The following MAP4K3 variants were observed in gnomAD, a reference collection of about 807,000 sequenced individuals.
The protein encoded by MAP4K3 is MAPK/ERK kinase kinase kinase 3.
Under a neutral mutation model 143.5 loss-of-function variants are expected in MAP4K3, and 94 were observed. The ratio of observed to expected loss-of-function variants is 0.65; its 90% CI spans 0.55 to 0.78. MAP4K3 has a LOEUF of 0.78. Ranked by LOEUF, MAP4K3 falls within the 30% of genes least tolerant of loss-of-function variation. The probability of loss-of-function intolerance (pLI) is 0.00; values close to 1 mark genes in which losing one functional copy is unlikely to be tolerated. For missense variants in MAP4K3, 1,077 were observed against 1,068.1 expected, an observed-to-expected ratio of 1.01 and a Z score of -0.12; for synonymous variants, 416 against 347.2, an observed-to-expected ratio of 1.20 and a Z score of -2.20.
At chr2:39,402,691 T>C (rs964871705) in intron 1 of MAP4K3, among the ~76,000 whole-genome samples, 2 of 149,962 alleles carry the variant, frequency 1.3e-5, no homozygotes, top group Admixed American at 6.7e-5. Flanking sequence ...TACAGAAAAA[T>C]CCATTAAACC....
chr2:39,436,651 G>A (rs1294892779), intron 1 of MAP4K3: 2 of 544,948 alleles, frequency 3.7e-6, no homozygotes, highest in African/African-American at 3.9e-5. Context: ...CGCGCAAGAA[G>A]GGAGGTGGCA....
intron 3 of MAP4K3, among the ~76,000 whole-genome samples, chr2:39,343,655 A>G (rs1017518988): frequency 6.6e-6 from 1 of 152,192 alleles, no homozygotes; most frequent in Non-Finnish European, 1.5e-5. Flanking sequence ...TTTTAAACTT[A>G]TAATACACCA....
intron 1 of MAP4K3, among the ~76,000 whole-genome samples, chr2:39,404,067 C>T (rs1020393507): frequency 6.6e-6 from 1 of 151,968 alleles, no homozygotes; most frequent in African/African-American, 2.4e-5. Context: ...CCCTGAATAA[C>T]CAGCAGCAAA....
At chr2:39,292,562 A>G (rs1371751578) in intron 18 of MAP4K3, among the ~76,000 whole-genome samples, 1 of 152,212 alleles carries the variant, frequency 6.6e-6, no homozygotes, top group Non-Finnish European at 1.5e-5. Flanking sequence ...CAGAACTGTG[A>G]GAAATAAATT....
chr2:39,383,694 T>A lies in MAP4K3; in HGVS notation c.97-5571A>T, dbSNP rs1422552210. Among the ~76,000 whole-genome samples the A allele has an allele frequency of 2.0e-5, 3 of 152,044 alleles. No homozygotes were observed. In the South Asian group the frequency reaches 6.2e-4, roughly 32 times the overall value. ...CAACTGAACATTTATTAAATTTGGA[T>A]GATAAATTATAAGGTTAATATACCA... is the stretch of plus-strand genomic sequence containing the variant. On this transcript the variant is annotated intron_variant, in intron 1 of 33. Coordinates refer to ENST00000263881, the MANE Select transcript of MAP4K3 (RefSeq NM_003618.4).
intron 26 of MAP4K3, among the ~76,000 whole-genome samples, chr2:39,268,695 A>C (rs1299250107): frequency 8.2e-6 from 1 of 121,236 alleles, no homozygotes; most frequent in Non-Finnish European, 1.6e-5. Context: ...GCTGGAGTGC[A>C]GTGGCTTGAC....
chr2:39,290,084 C>CAAAAAA (rs57058905), intron 19 of MAP4K3, among the ~76,000 whole-genome samples: 1 of 111,968 alleles, frequency 8.9e-6, no homozygotes, highest in African/African-American at 3.8e-5. Context: ...GAGACTGTCT[C>CAAAAAA]AAAAAAAAAA....
chr2:39,394,655 A>G (rs894838230), intron 1 of MAP4K3, among the ~76,000 whole-genome samples: 7 of 152,278 alleles, frequency 4.6e-5, no homozygotes, highest in African/African-American at 7.2e-5. Context: ...ATATTCACAA[A>G]TAAGTTATAA....
intron 20 of MAP4K3, among the ~76,000 whole-genome samples, chr2:39,287,357 G>T (rs1270779578): frequency 1.3e-5 from 2 of 150,780 alleles, no homozygotes. Flanking sequence ...GCAATGGCGT[G>T]ATCTTGGCTC....
intron 16 of MAP4K3, 107 bp from the exon 17 acceptor site, chr2:39,293,375 C>CT: frequency 1.4e-6 from 1 of 740,626 alleles, no homozygotes; most frequent in South Asian, 1.8e-5. Context: ...TGAATGATTA[C>CT]TTTTTTACCA....
At chr2:39,362,459 A>T (rs939346736) in intron 2 of MAP4K3, among the ~76,000 whole-genome samples, 2 of 152,196 alleles carry the variant, frequency 1.3e-5, no homozygotes, top group Non-Finnish European at 2.9e-5. Context: ...TAAGAAAATA[A>T]TCCCAATTGC....
rs974080622 is a variant in MAP4K3 at position 39,264,671 on chromosome 2, T to G, written c.2136+532A>C. 2.6e-5 allele frequency among the ~76,000 whole-genome samples: 4 copies of G among 152,336 alleles called. No individual in the cohort carries two copies. The South Asian group carries it at 6.2e-4, about 24-fold the overall frequency. ...GCCTGTACTTCACACATTTTAAAAGTTAGTTTTTCCTTAAATGTAAGTTAC... is the reference window on the plus strand; with the variant it reads ...GCCTGTACTTCACACATTTTAAAAGGTAGTTTTTCCTTAAATGTAAGTTAC... On this transcript the variant is annotated intron_variant, in intron 28 of 33. Transcript: ENST00000263881.
rs535014504 is a variant in MAP4K3, at chr2:39,359,955, T to C, written c.155-3616A>G. 7.2e-5 allele frequency among the ~76,000 whole-genome samples: 11 copies of C among 152,354 alleles called. No individual in the cohort carries two copies. In the South Asian group the frequency reaches 2.3e-3, roughly 32 times the overall value. ...GGGGTTGCTGCAAAAGTCTCTGAAA[T>C]GCCCTGGAGACATGTTCCCCTTGTC... On this transcript the variant is annotated intron_variant, in intron 2 of 33. Transcript: ENST00000263881.
chr2:39,265,685 T>C (rs1680736019), intron 27 of MAP4K3, among the ~76,000 whole-genome samples: 1 of 152,158 alleles, frequency 6.6e-6, no homozygotes, highest in African/African-American at 2.4e-5. Flanking sequence ...TACAACACAT[T>C]CGGGTGGTTC....
intron 21 of MAP4K3, among the ~76,000 whole-genome samples, chr2:39,283,103 T>C (rs1681610330): frequency 6.6e-6 from 1 of 152,248 alleles, no homozygotes; most frequent in African/African-American, 2.4e-5. Context: ...TATACCTACT[T>C]ACACAGTGTA....
At chr2:39,370,571 G>A (rs1486242197) in intron 2 of MAP4K3, among the ~76,000 whole-genome samples, 1 of 152,176 alleles carries the variant, frequency 6.6e-6, no homozygotes, top group African/African-American at 2.4e-5. Flanking sequence ...TGAAAAAATA[G>A]TGGAATAAGG....
chr2:39,396,776 A>C (rs1357981526), intron 1 of MAP4K3, among the ~76,000 whole-genome samples: 1 of 152,154 alleles, frequency 6.6e-6, no homozygotes, highest in Non-Finnish European at 1.5e-5. Flanking sequence ...CCCAGCCCCA[A>C]ATTTTTAACT....
chr2:39,360,537 A>T (rs1429834822), intron 2 of MAP4K3, among the ~76,000 whole-genome samples: 2 of 152,194 alleles, frequency 1.3e-5, no homozygotes, highest in East Asian at 3.8e-4. Context: ...TCTTTACAGC[A>T]GCACCCCACT....
intron 28 of MAP4K3, among the ~76,000 whole-genome samples, chr2:39,264,867 T>C (rs1283313531): frequency 6.6e-6 from 1 of 152,242 alleles, no homozygotes; most frequent in African/African-American, 2.4e-5. Context: ...GCAACCTGTA[T>C]GTTGTTTTCA....
Sources: gnomAD v4.1 joint callset for allele counts (sites outside exome capture counted in the v4.1 genomes callset) on GRCh38, gnomAD v4.1.1 for gene constraint, MANE v1.5 for transcripts, NCBI Gene and HGNC (gene_info 2026-07-23, HGNC 2026-07-21) for gene names.